The following GLIS3 variants were observed in gnomAD, a reference collection of about 807,000 sequenced individuals.
GLIS3 encodes the protein GLIS family zinc finger 3.
In GLIS3, 53 loss-of-function variants were observed where a neutral mutation model predicts 78.6. The ratio of observed to expected loss-of-function variants is 0.67; its 90% CI spans 0.54 to 0.85. The LOEUF is 0.85. GLIS3 is among the 40% of genes least tolerant of loss of function. The pLI is 0.00. For missense variants in GLIS3, 1,703 were observed against 1,231.1 expected, an observed-to-expected ratio of 1.38 and a Z score of -5.74; for synonymous variants, 684 against 509.9, an observed-to-expected ratio of 1.34 and a Z score of -4.60.
intron 2 of GLIS3, among the ~76,000 whole-genome samples, chr9:4,175,140 C>A (rs1816707224): frequency 6.6e-6 from 1 of 152,288 alleles, no homozygotes; most frequent in African/African-American, 2.4e-5. Context: ...GGTCTCTCTA[C>A]ATCCAAAATT....
At chr9:4,161,079 T>TAA (rs59854446) in intron 2 of GLIS3, among the ~76,000 whole-genome samples, 2,480 of 135,782 alleles carry the variant, frequency 0.018, 41 homozygotes, top group Middle Eastern at 0.083. Context: ...CCCCATCTCT[T>TAA]AAAAAAAAAA....
intron 4 of GLIS3, among the ~76,000 whole-genome samples, chr9:4,010,642 T>A (rs1821927910): frequency 6.6e-6 from 1 of 152,214 alleles, no homozygotes; most frequent in Non-Finnish European, 1.5e-5. Context: ...TGCTTTGGTG[T>A]CATAAGTGGC....
chr9:4,233,185 T>C (rs1346597043), intron 2 of GLIS3, among the ~76,000 whole-genome samples: 4 of 152,192 alleles, frequency 2.6e-5, no homozygotes, highest in Non-Finnish European at 5.9e-5. Flanking sequence ...ACAGATGAGG[T>C]GAACCCTGAT....
At chr9:4,220,953 C>A (rs1324088616) in intron 2 of GLIS3, among the ~76,000 whole-genome samples, 1 of 152,032 alleles carries the variant, frequency 6.6e-6, no homozygotes, top group Non-Finnish European at 1.5e-5. Flanking sequence ...GCACTGCACT[C>A]CAGCCTGGGT....
At chr9:4,177,539 T>C (rs889280514) in intron 2 of GLIS3, among the ~76,000 whole-genome samples, 1 of 152,098 alleles carries the variant, frequency 6.6e-6, no homozygotes, top group African/African-American at 2.4e-5. Context: ...ACTCAACTCC[T>C]CCCATAGCTT....
the GLIS3 span, among the ~76,000 whole-genome samples, chr9:4,400,082 G>C: frequency 6.6e-6 from 1 of 152,194 alleles, no homozygotes; most frequent in African/African-American, 2.4e-5. Context: ...TAACGAGTTT[G>C]CTCCTAATCC....
At chr9:4,236,202 AAAAAAG>A (rs1822729332) in intron 2 of GLIS3, among the ~76,000 whole-genome samples, 1 of 148,528 alleles carries the variant, frequency 6.7e-6, no homozygotes, top group Middle Eastern at 3.4e-3. Flanking sequence ...AAAAAAAAAA[AAAAAAG>A]AAAGAAAGAA....
intron 4 of GLIS3, among the ~76,000 whole-genome samples, chr9:4,083,216 A>G (rs1828709229): frequency 6.6e-6 from 1 of 152,188 alleles, no homozygotes; most frequent in Admixed American, 6.6e-5. Flanking sequence ...GTGTTTAATG[A>G]AAACACAGTT....
chr9:4,428,728 C>T, the GLIS3 span, among the ~76,000 whole-genome samples: 1 of 152,034 alleles, frequency 6.6e-6, no homozygotes, highest in African/African-American at 2.4e-5. Flanking sequence ...CCTAGGAATC[C>T]CGCAAAAGCC....
the GLIS3 span, among the ~76,000 whole-genome samples, chr9:4,372,320 T>C: frequency 2.6e-5 from 4 of 152,200 alleles, no homozygotes; most frequent in Non-Finnish European, 1.5e-5. Context: ...GTATTAATCA[T>C]TGATTTTATT....
chr9:4,127,261 C>T (rs1249890516), intron 2 of GLIS3, among the ~76,000 whole-genome samples: 1 of 152,158 alleles, frequency 6.6e-6, no homozygotes, highest in Non-Finnish European at 1.5e-5. Flanking sequence ...AGAACAGAAA[C>T]TGATTCTACG....
intron 7 of GLIS3, among the ~76,000 whole-genome samples, chr9:3,884,330 T>C (rs900524420): frequency 6.6e-6 from 1 of 152,178 alleles, no homozygotes; most frequent in African/African-American, 2.4e-5. Flanking sequence ...AAGGCTACTA[T>C]AGGCATTGCT....
intron 2 of GLIS3, among the ~76,000 whole-genome samples, chr9:4,206,458 C>G (rs543226656): frequency 1.3e-5 from 2 of 152,304 alleles, no homozygotes; most frequent in South Asian, 2.1e-4. Flanking sequence ...ATATAAAACT[C>G]AGACGCCTAT....
the GLIS3 span, among the ~76,000 whole-genome samples, chr9:4,449,769 A>T: frequency 2.0e-5 from 3 of 152,240 alleles, no homozygotes; most frequent in Non-Finnish European, 4.4e-5. Flanking sequence ...CTTAGAAGAA[A>T]AAAACAACAA....
the GLIS3 span, among the ~76,000 whole-genome samples, chr9:4,465,501 A>G: frequency 6.6e-6 from 1 of 152,356 alleles, no homozygotes. Context: ...GTGAGCCAAG[A>G]TCATGCCATT....
chr9:4,348,640 T>C (rs1406221442), upstream of GLIS3, among the ~76,000 whole-genome samples: 1 of 152,186 alleles, frequency 6.6e-6, no homozygotes, highest in Non-Finnish European at 1.5e-5. Flanking sequence ...GGGAACGAAA[T>C]TTGAGGACTC....
chr9:4,326,089 C>G (rs12340882), intron 2 of GLIS3, among the ~76,000 whole-genome samples: 1 of 151,806 alleles, frequency 6.6e-6, no homozygotes, highest in Non-Finnish European at 1.5e-5. Flanking sequence ...GGAAGAACAG[C>G]TAATGGACGC....
At chr9:4,283,454 C>T (rs1050222086) in intron 2 of GLIS3, among the ~76,000 whole-genome samples, 8 of 151,954 alleles carry the variant, frequency 5.3e-5, no homozygotes, top group African/African-American at 7.3e-5. Flanking sequence ...TTAGCAGAGG[C>T]GGCGTTTCAC....
the GLIS3 span, among the ~76,000 whole-genome samples, chr9:4,385,822 G>A: frequency 1.5e-4 from 6 of 40,112 alleles, 2 homozygotes; most frequent in South Asian, 5.4e-3. Context: ...AAGAAAGAAA[G>A]AGAAAAGAAA....
Sources: gnomAD v4.1 joint callset for allele counts (sites outside exome capture counted in the v4.1 genomes callset) on GRCh38, gnomAD v4.1.1 for gene constraint, MANE v1.5 for transcripts, NCBI Gene and HGNC (gene_info 2026-07-23, HGNC 2026-07-21) for gene names.